The following PHF21B variants were observed in gnomAD, a reference collection of about 807,000 sequenced individuals.
PHF21B encodes the protein PHD finger protein 4.
PHF21B carries 22 observed loss-of-function variants against 62.2 expected under a neutral mutation model. The ratio of observed to expected loss-of-function variants is 0.35; its 90% confidence interval spans 0.25 to 0.51. The LOEUF is 0.51. Ranked by LOEUF, PHF21B falls within the 20% of genes least tolerant of loss-of-function variation. The probability of loss-of-function intolerance (pLI) is 0.97; values close to 1 mark genes in which losing one functional copy is unlikely to be tolerated. For missense variants in PHF21B, 701 were observed against 707.9 expected (o/e 0.99, Z 0.11); for synonymous variants, 341 against 314.7 (o/e 1.08, Z -0.88).
In PHF21B at chr22:44,913,990, G is replaced by T; in HGVS notation, c.663C>A (p.Ser221=). ...LPLTPPSPSL[S]PSPLHGIFQV... ...GGAAGATGCCATGGAGGGGTGAAGG[G>T]GACAGTGATGGGGAGGGAGGGGTGA... Residue 221 remains serine (S), a synonymous_variant, in exon 5 of 13, where the codon TCC becomes TCA. Transcript: ENST00000313237. The T allele has an allele frequency of 1.9e-6, 3 of 1,593,440 alleles. No homozygotes were observed. Among genetic ancestry groups the T allele is most frequent in the Non-Finnish European group, 2.6e-6 (3 of 1,162,666 alleles).
chr22:44,884,453 G>A (rs550438949), intron 12 of PHF21B, among the ~76,000 whole-genome samples: 791 of 40,536 alleles, frequency 0.02, 2 homozygotes, highest in Middle Eastern at 0.038. Context: ...CCACCATCAC[G>A]GTGATGAGCA....
intron 2 of PHF21B, among the ~76,000 whole-genome samples, chr22:44,947,881 G>A (rs897480307): frequency 2.6e-5 from 4 of 151,490 alleles, no homozygotes; most frequent in African/African-American, 9.7e-5. Flanking sequence ...GATGTGCGCA[G>A]GTCTTAAGGG....
intron 2 of PHF21B, among the ~76,000 whole-genome samples, chr22:44,990,015 G>A (rs1021074868): frequency 2.6e-5 from 4 of 152,216 alleles, no homozygotes; most frequent in African/African-American, 9.6e-5. Flanking sequence ...ACGCCGAAGG[G>A]GCCAACGGGC....
chr22:44,959,164 T>C (rs1229138483), intron 2 of PHF21B, among the ~76,000 whole-genome samples: 6 of 152,198 alleles, frequency 3.9e-5, no homozygotes, highest in South Asian at 2.1e-4. Flanking sequence ...TCCCCTGGCA[T>C]GTCCTGAGAC....
At chr22:44,932,923 A>AGACCGTGCAG (rs1247378410) in intron 2 of PHF21B, among the ~76,000 whole-genome samples, 2 of 152,222 alleles carry the variant, frequency 1.3e-5, no homozygotes, top group Admixed American at 1.3e-4. Flanking sequence ...ACACCCAAGT[A>AGACCGTGCAG]ACCACCGTGC....
intron 12 of PHF21B, among the ~76,000 whole-genome samples, chr22:44,884,365 A>G (rs1223532225): frequency 3.9e-5 from 2 of 50,972 alleles, no homozygotes; most frequent in Non-Finnish European, 7.1e-5. Flanking sequence ...ACGATCACCA[A>G]CGTCACCACC....
At chr22:44,904,196 C>T (rs1187935604) in intron 5 of PHF21B, among the ~76,000 whole-genome samples, 2 of 152,316 alleles carry the variant, frequency 1.3e-5, no homozygotes, top group East Asian at 3.9e-4. Context: ...TACACTGCTC[C>T]TGGCATGTTC....
At chr22:44,965,225 C>A (rs536263250) in intron 2 of PHF21B, among the ~76,000 whole-genome samples, 2 of 152,238 alleles carry the variant, frequency 1.3e-5, no homozygotes, top group East Asian at 3.9e-4. Flanking sequence ...CTGAACACAG[C>A]CGCCTCTGGC....
At chr22:44,955,372 G>A (rs1008233758) in intron 2 of PHF21B, among the ~76,000 whole-genome samples, 5 of 152,224 alleles carry the variant, frequency 3.3e-5, no homozygotes, top group African/African-American at 7.2e-5. Flanking sequence ...GTCCTGTGAC[G>A]GTTAATTTCA....
intron 2 of PHF21B, among the ~76,000 whole-genome samples, chr22:44,937,155 C>T (rs900473212): frequency 3.9e-5 from 6 of 152,128 alleles, no homozygotes; most frequent in South Asian, 2.1e-4. Context: ...CATGAACCAC[C>T]GCACCCGGCT....
chr22:44,997,825 CA>C (rs1431362973), intron 2 of PHF21B, among the ~76,000 whole-genome samples: 1 of 152,196 alleles, frequency 6.6e-6, no homozygotes, highest in Non-Finnish European at 1.5e-5. Context: ...CAGCTTCACC[CA>C]GGGGCGGCCT....
At chr22:44,948,869 T>C (rs757550821) in intron 2 of PHF21B, among the ~76,000 whole-genome samples, 14 of 152,176 alleles carry the variant, frequency 9.2e-5, no homozygotes, top group Admixed American at 8.5e-4. Context: ...CCACTGTCAT[T>C]TGCAGTCTCA....
At chr22:44,975,978 G>A (rs960411466) in intron 2 of PHF21B, among the ~76,000 whole-genome samples, 1 of 152,236 alleles carries the variant, frequency 6.6e-6, no homozygotes, top group Non-Finnish European at 1.5e-5. Flanking sequence ...GACCAGCCTG[G>A]GCAACATGGC....
At chr22:44,998,585 G>A (rs1052841114) in intron 2 of PHF21B, among the ~76,000 whole-genome samples, 8 of 152,074 alleles carry the variant, frequency 5.3e-5, no homozygotes, top group African/African-American at 1.2e-4. Flanking sequence ...AGGCCAAGGC[G>A]GGGGACATGT....
At chr22:44,896,240 C>T (rs917418701) in intron 5 of PHF21B, among the ~76,000 whole-genome samples, 157 bp from the exon 6 acceptor site, 5 of 152,204 alleles carry the variant, frequency 3.3e-5, no homozygotes, top group East Asian at 1.9e-4. Context: ...TTCTAAGAAA[C>T]GTGGGGAAAT....
intron 2 of PHF21B, among the ~76,000 whole-genome samples, chr22:44,982,991 C>T (rs1230504722): frequency 1.3e-5 from 2 of 152,146 alleles, no homozygotes; most frequent in African/African-American, 4.8e-5. Flanking sequence ...TGCCTGTAAT[C>T]CCAGCACTTT....
chr22:44,983,486 C>T (rs1240960775), intron 2 of PHF21B, among the ~76,000 whole-genome samples: 2 of 152,188 alleles, frequency 1.3e-5, no homozygotes, highest in Admixed American at 6.5e-5. Context: ...GGAACAAAGA[C>T]TGCAGGGAGG....
At position 44,914,006 on chromosome 22, in the gene PHF21B, G is replaced by T. The variant is rs1459745961; in HGVS notation, c.647C>A (p.Pro216His). The T allele has an allele frequency of 1.3e-6, 2 of 1,506,892 alleles. No homozygotes were observed. The highest frequency in any genetic ancestry group is 1.8e-6 in the Non-Finnish European group (2 of 1,085,000). The allele number at this position is 1,506,892 out of a possible 1,614,324, so 93.3% of individuals were successfully genotyped here. The change falls in exon 5 of 13, where the codon CCC (proline) becomes CAC (histidine). Residue 216 changes from proline to histidine, a missense_variant. Transcript: ENST00000313237. ...LHPSSLPLTP[P>H]SPSLSPSPLH... ...GGGTGAAGGGGACAGTGATGGGGAG[G>T]GAGGGGTGAGGGGAAGAGAGGAGGG...
chr22:44,953,266 A>G (rs970316535), intron 2 of PHF21B, among the ~76,000 whole-genome samples: 2 of 152,118 alleles, frequency 1.3e-5, no homozygotes, highest in South Asian at 4.1e-4. Flanking sequence ...ACAATTTCCC[A>G]GTTTGTTTTA....
Sources: allele counts gnomAD v4.1 joint callset (sites outside exome capture counted in the v4.1 genomes callset), GRCh38; gene constraint gnomAD v4.1.1; transcripts MANE v1.5; gene names NCBI Gene and HGNC (gene_info 2026-07-23, HGNC 2026-07-21).